Variants in PFKFB4 observed in about 807,000 individuals in gnomAD.
PFKFB4 encodes 6-phosphofructo-2-kinase/fructose-2,6-biphosphatase 4, also known as 6-phosphofructo-2-kinase/fructose-2,6-bisphosphatase 4.
A neutral mutation model predicts 62.8 loss-of-function variants in PFKFB4; 42 were observed. The ratio of observed to expected loss-of-function variants is 0.67; its 90% CI spans 0.52 to 0.86. The LOEUF (loss-of-function observed/expected upper bound fraction) is 0.86, where lower values mean the gene tolerates loss of function less well. Ranked by LOEUF, PFKFB4 falls within the 40% of genes least tolerant of loss-of-function variation. The pLI is 0.00. For synonymous variants in PFKFB4, 204 were observed against 240.7 expected (o/e 0.85, Z 1.41); for missense variants, 475 against 627.2 (o/e 0.76, Z 2.59).
intron 7 of PFKFB4, 155 bp from the exon 8 acceptor site, chr3:48,536,618 G>T: frequency 1.6e-6 from 1 of 620,662 alleles, no homozygotes; most frequent in Non-Finnish European, 2.9e-6. Flanking sequence ...CGAGTGATGG[G>T]GGTGAGGCGG....
upstream of PFKFB4, chr3:48,562,600 C>T (rs1470965990): frequency 4.8e-6 from 3 of 623,584 alleles, no homozygotes; most frequent in Non-Finnish European, 8.2e-6. The surrounding 1 kb of genome is among the most constrained non-coding windows in gnomAD (Gnocchi z 4.3). Flanking sequence ...CTCTGTGGGG[C>T]ACTCAGATCT....
chr3:48,527,940 C>T (rs1230573985), intron 9 of PFKFB4, among the ~76,000 whole-genome samples: 4 of 152,002 alleles, frequency 2.6e-5, no homozygotes, highest in South Asian at 2.1e-4. Flanking sequence ...CTGCCCATCT[C>T]GGCCTCCCAA....
intron 7 of PFKFB4, 89 bp from the exon 8 acceptor site, chr3:48,536,552 G>T: frequency 1.0e-6 from 1 of 1,001,412 alleles, no homozygotes. Flanking sequence ...CTAGCTGCGA[G>T]GCCTTGCACT....
At chr3:48,531,420 C>T (rs911450103) in intron 9 of PFKFB4, among the ~76,000 whole-genome samples, 13 of 151,426 alleles carry the variant, frequency 8.6e-5, no homozygotes, top group Admixed American at 2.0e-4. Context: ...TCACTTGAAC[C>T]CGGGAAGCAG....
intron 7 of PFKFB4, among the ~76,000 whole-genome samples, chr3:48,538,294 C>T (rs550611056): frequency 3.9e-5 from 6 of 152,274 alleles, no homozygotes; most frequent in Non-Finnish European, 8.8e-5. Context: ...AATCCTGACT[C>T]GCAGAGTTTT....
intron 1 of PFKFB4, among the ~76,000 whole-genome samples, chr3:48,552,928 C>T (rs933706909): frequency 1.3e-5 from 2 of 152,218 alleles, no homozygotes; most frequent in African/African-American, 4.8e-5. Context: ...ATCTCCTCTG[C>T]TCCCCAAGAT....
chr3:48,556,608 G>A lies in PFKFB4; in HGVS notation c.97+73C>T. The A allele has an allele frequency of 6.8e-7, 1 of 1,477,818 alleles. No individual in the cohort carries two copies. Among genetic ancestry groups the A allele is most frequent in the Non-Finnish European group, 9.1e-7 (1 of 1,093,576 alleles). The allele number at this position is 1,477,818 out of a possible 1,614,324, so 91.5% of individuals were successfully genotyped here. ...TGTCTCCCGCCCCTTCTCCATGCGA[G>A]ACCCCCGCCCAGGCCGCCCTACCCA... is the stretch of plus-strand genomic sequence containing the variant. On this transcript the variant is annotated intron_variant, in intron 1 of 13. Coordinates refer to ENST00000232375, the MANE Select transcript of PFKFB4 (RefSeq NM_004567.4). This position sits in a 1 kb window ranked among gnomAD's most constrained non-coding sequence, Gnocchi z 5.7.
intron 1 of PFKFB4, among the ~76,000 whole-genome samples, chr3:48,555,375 G>A (rs986764129): frequency 1.3e-5 from 2 of 152,132 alleles, no homozygotes; most frequent in African/African-American, 4.8e-5. Context: ...CTCATATCAT[G>A]ATCAAAGCCA....
chr3:48,521,573 GA>G lies in PFKFB4; in HGVS notation c.1350+412del, dbSNP rs2042095445. Among the ~76,000 whole-genome samples the G allele has an allele frequency of 6.6e-6, 1 of 152,214 alleles. No homozygotes were observed. Among genetic ancestry groups the G allele is most frequent in the African/African-American group, 2.4e-5 (1 of 41,446 alleles). On this transcript the variant is annotated intron_variant, in intron 13 of 13. Transcript: ENST00000232375. This position sits in a 1 kb window ranked among gnomAD's most constrained non-coding sequence, Gnocchi z 5.3. ...ATGAGGCCTCGGCTGCAGGGATGGG[GA>G]GTGGGAAGAGTGCCCACCTGCCCTC...
chr3:48,520,253 TCCTGGTCTGCAG>T (rs2042056945), intron 13 of PFKFB4, among the ~76,000 whole-genome samples: 4 of 152,246 alleles, frequency 2.6e-5, no homozygotes, highest in African/African-American at 9.6e-5. Flanking sequence ...TATGGGCATT[TCCTGGTCTGCAG>T]CCTGGTCTGT....
At chr3:48,547,102 G>C (rs932693151) in intron 3 of PFKFB4, among the ~76,000 whole-genome samples, 3 of 152,196 alleles carry the variant, frequency 2.0e-5, no homozygotes, top group African/African-American at 7.2e-5. Context: ...CCTGAGGGCA[G>C]TCTTGGGGAC....
chr3:48,557,957 T>C (rs1353616115), upstream of PFKFB4, among the ~76,000 whole-genome samples: 1 of 152,236 alleles, frequency 6.6e-6, no homozygotes, highest in Non-Finnish European at 1.5e-5. Context: ...TTTGGTTTTT[T>C]TAACTAAAGT....
In PFKFB4 at chr3:48,530,459, T is replaced by A. The variant is rs971749199; in HGVS notation, c.988-4790A>T. Among the ~76,000 whole-genome samples, 3 of 152,290 alleles carry A rather than the reference T, an allele frequency of 2.0e-5. No individual in the cohort carries two copies. In the East Asian group the frequency reaches 5.8e-4, roughly 29 times the overall value. On this transcript the variant is annotated intron_variant, in intron 9 of 13. Transcript: ENST00000232375. The stretch of plus-strand genomic sequence containing the variant: ...ATTATGTGCATCCAGCCTGAGAATG[T>A]CTTTGAAAAGCTTTAAGGTAAAGAC...
At chr3:48,524,311 A>G (rs1021513015) in intron 10 of PFKFB4, among the ~76,000 whole-genome samples, 4 of 152,056 alleles carry the variant, frequency 2.6e-5, no homozygotes, top group Non-Finnish European at 4.4e-5. Flanking sequence ...TCTTCCCCCT[A>G]TGCCTGCCGT....
At chr3:48,538,346 C>T (rs189453138) in intron 7 of PFKFB4, 152 bp downstream of exon 7, 107 of 969,038 alleles carry the variant, frequency 1.1e-4, no homozygotes, top group Non-Finnish European at 1.3e-4. Flanking sequence ...TCTGACCAAA[C>T]ATTTCTGCCC....
rs560145811 is a variant in PFKFB4, at chr3:48,522,000, G to A, written c.1336C>T (p.Arg446Trp). The A allele has an allele frequency of 1.8e-5, 29 of 1,614,036 alleles. No individual in the cohort carries two copies. The highest frequency in any genetic ancestry group is 1.6e-4 in the Middle Eastern group (1 of 6,062). ...FLNVAAVNTH[R>W]DRPQNVDISR... ...CCCATTGCTACCTGAGGCCTGTCCC[G>A]GTGCGTGTTCACAGCAGCCACGTTC... Residue 446 changes from arginine (R) to tryptophan (W), a missense_variant, in exon 13 of 14, where the codon CGG (arginine) becomes TGG (tryptophan). Transcript: ENST00000232375. The surrounding 1 kb of genome is among the most constrained non-coding windows in gnomAD (Gnocchi z 5.3).
chr3:48,557,950 GGTT>G (rs1287744411), upstream of PFKFB4, among the ~76,000 whole-genome samples: 1 of 151,584 alleles, frequency 6.6e-6, no homozygotes, highest in Non-Finnish European at 1.5e-5. Context: ...TTAGTATTTT[GGTT>G]TTTTTAACTA....
chr3:48,531,524 T>G (rs2042426814), intron 9 of PFKFB4, among the ~76,000 whole-genome samples: 1 of 148,704 alleles, frequency 6.7e-6, no homozygotes, highest in African/African-American at 2.5e-5. Context: ...CACCACAACC[T>G]CCGCCTCCCA....
At chr3:48,551,117 A>T (rs1209215106) in intron 1 of PFKFB4, among the ~76,000 whole-genome samples, 2 of 152,192 alleles carry the variant, frequency 1.3e-5, no homozygotes, top group Non-Finnish European at 2.9e-5. Flanking sequence ...GAGGCACGGA[A>T]GGATCTGAAT....
Sources: gnomAD v4.1 joint callset for allele counts (sites outside exome capture counted in the v4.1 genomes callset) on GRCh38, gnomAD v4.1.1 for gene constraint, Gnocchi (gnomAD v3.1) non-coding constraint, MANE v1.5 for transcripts, NCBI Gene and HGNC (gene_info 2026-07-23, HGNC 2026-07-21) for gene names.